TAF1A: variants seen among roughly 807,000 people sequenced by gnomAD.
The protein encoded by TAF1A is TATA-box binding protein associated factor, RNA polymerase I subunit A.
In TAF1A, 42 loss-of-function variants were observed where a neutral mutation model predicts 61.6. That is an observed-to-expected ratio of 0.68 (90% CI 0.53 to 0.88). The LOEUF (loss-of-function observed/expected upper bound fraction) is 0.88. TAF1A is among the 40% of genes least tolerant of loss of function. TAF1A has a pLI of 0.00. For missense variants in TAF1A, 424 were observed against 518.7 expected, an observed-to-expected ratio of 0.82 and a Z score of 1.77; for synonymous variants, 179 against 177.7, an observed-to-expected ratio of 1.01 and a Z score of -0.06.
intron 9 of TAF1A, 66 bp from the exon 10 acceptor site, chr1:222,561,584 G>A: frequency 1.4e-6 from 2 of 1,429,214 alleles, no homozygotes; most frequent in Non-Finnish European, 1.9e-6. Context: ...TCAGAATTTA[G>A]ACTTAACTAG....
chr1:222,564,707 C>CA (rs1660052448), intron 7 of TAF1A, among the ~76,000 whole-genome samples: 2 of 151,858 alleles, frequency 1.3e-5, no homozygotes, highest in Non-Finnish European at 2.9e-5. Flanking sequence ...TATGAATATT[C>CA]AAAAAATGGA....
chr1:222,583,980 G>A lies in TAF1A; in HGVS notation c.291+148C>T, dbSNP rs1005158318. ...GAGGTAAAAAGAAGTGTGCAAAAAA[G>A]GTCCCAATACAAACTCTCCACTCAA... On this transcript the variant is annotated intron_variant, in intron 3 of 10. Coordinates refer to ENST00000352967, the MANE Select transcript of TAF1A (RefSeq NM_005681.4). 5.5e-5 allele frequency: 40 copies of A among 733,206 alleles called. No homozygotes were observed. The African/African-American group carries it at 6.5e-4, about 12-fold the overall frequency. 45.4% of individuals were successfully genotyped at this position (733,206 alleles called of 1,614,324 possible). A position where few individuals can be genotyped will look rare whatever the true frequency, so the allele number is the denominator to read the frequency against.
At chr1:222,584,358 A>T (rs1478708129) in intron 2 of TAF1A, 61 bp from the exon 3 acceptor site, 3 of 1,486,860 alleles carry the variant, frequency 2.0e-6, no homozygotes, top group African/African-American at 2.8e-5. Context: ...CTATTCAAAA[A>T]ACTTACTTCT....
chr1:222,560,819 T>C lies in TAF1A; in HGVS notation c.1240+545A>G, dbSNP rs547263515. 7.9e-5 allele frequency among the ~76,000 whole-genome samples: 12 copies of C among 152,294 alleles called. No homozygotes were observed. In the South Asian group the frequency reaches 1.9e-3, roughly 24 times the overall value. ...CGGTACTGGCCACCTTTTAATAATT[T>C]CAGTGGCAGAAAGCAGGTAAGAATT... On this transcript the variant is annotated intron_variant, in intron 10 of 10. Coordinates refer to ENST00000352967, the MANE Select transcript of TAF1A (RefSeq NM_005681.4).
At chr1:222,577,348 T>C (rs1291793732) in intron 5 of TAF1A, 97 bp downstream of exon 5, 1 of 932,834 alleles carries the variant, frequency 1.1e-6, no homozygotes. Flanking sequence ...CTCCATAATA[T>C]CTGGATGAAG....
intron 7 of TAF1A, 99 bp from the exon 8 acceptor site, chr1:222,564,224 TC>T: frequency 1.6e-6 from 1 of 615,056 alleles, no homozygotes; most frequent in Non-Finnish European, 2.7e-6. Context: ...TCTAATATGC[TC>T]CCTTTAAATT....
chr1:222,587,801 C>A (rs1336552964), intron 2 of TAF1A, among the ~76,000 whole-genome samples: 1 of 152,074 alleles, frequency 6.6e-6, no homozygotes, highest in East Asian at 1.9e-4. Context: ...CCTGTAATCC[C>A]ACCACTTTGG....
chr1:222,577,352 G>C (rs1660611207), intron 5 of TAF1A, 93 bp downstream of exon 5: 1 of 978,240 alleles, frequency 1.0e-6, no homozygotes, highest in East Asian at 2.5e-5. Flanking sequence ...ATAATATCTG[G>C]ATGAAGTCAA....
intron 5 of TAF1A, among the ~76,000 whole-genome samples, chr1:222,574,693 A>C (rs1660496952): frequency 6.6e-6 from 1 of 152,248 alleles, no homozygotes; most frequent in Non-Finnish European, 1.5e-5. Context: ...TATTATCTTA[A>C]AACTGATTTT....
At chr1:222,585,598 C>T (rs932425530) in intron 2 of TAF1A, among the ~76,000 whole-genome samples, 5 of 152,110 alleles carry the variant, frequency 3.3e-5, no homozygotes, top group Non-Finnish European at 5.9e-5. Flanking sequence ...GAGCATGAGC[C>T]ACCACACCTG....
chr1:222,570,527 CTACT>C lies in TAF1A; in HGVS notation c.735+4_735+7del. On this transcript the variant is annotated splice_donor_5th_base_variant and intron_variant, in intron 6 of 10. Transcript: ENST00000352967. ...AAAACCAATAAATTTAATGAAAATT[CTACT>C]TACTTCTACATAACTCTTCACAAAA... 6.3e-7 allele frequency: 1 copy of C among 1,594,734 alleles called. No individual in the cohort carries two copies. The highest frequency in any genetic ancestry group is 1.1e-5 in the South Asian group (1 of 88,574).
downstream of TAF1A, among the ~76,000 whole-genome samples, chr1:222,557,448 G>A (rs1659744443): frequency 6.6e-6 from 1 of 152,034 alleles, no homozygotes; most frequent in Admixed American, 6.6e-5. Flanking sequence ...AAGGAGAGGG[G>A]ATGCGTGAGT....
intron 5 of TAF1A, among the ~76,000 whole-genome samples, chr1:222,572,653 C>T (rs1054083631): frequency 6.6e-6 from 1 of 152,300 alleles, no homozygotes; most frequent in Non-Finnish European, 1.5e-5. Flanking sequence ...GCCACTGCTC[C>T]CGGCTGCTAA....
intron 7 of TAF1A, among the ~76,000 whole-genome samples, chr1:222,566,572 C>G (rs1408050520): frequency 6.6e-6 from 1 of 152,300 alleles, no homozygotes; most frequent in East Asian, 1.9e-4. Flanking sequence ...ATTAAATTCT[C>G]ATAAGGAGCA....
At chr1:222,555,895 G>A (rs767001667), downstream of TAF1A, among the ~76,000 whole-genome samples, 8 of 152,054 alleles carry the variant, frequency 5.3e-5, no homozygotes, top group East Asian at 1.9e-4. Flanking sequence ...TATTGCTAAC[G>A]TGTCTTAAAA....
At chr1:222,570,046 A>C (rs1427113523) in intron 6 of TAF1A, among the ~76,000 whole-genome samples, 1 of 152,204 alleles carries the variant, frequency 6.6e-6, no homozygotes, top group Admixed American at 6.5e-5. Context: ...CAACACAATT[A>C]TCAACTTGCC....
rs759223232 is a variant in TAF1A, at chr1:222,577,432, T to A, written c.604+13A>T. On this transcript the variant is annotated intron_variant, in intron 5 of 10. Transcript: ENST00000352967. ...GTCTCATCATAAGAAAAAGTTTACCTGTATTCACTTACCAAGCTTTGACAA... is the reference window on the plus strand; with the variant it reads ...GTCTCATCATAAGAAAAAGTTTACCAGTATTCACTTACCAAGCTTTGACAA... 13 of 1,611,852 alleles carry A rather than the reference T, an allele frequency of 8.1e-6. No homozygotes were observed. The highest frequency in any genetic ancestry group is 9.3e-6 in the Non-Finnish European group (11 of 1,178,292).
At chr1:222,557,880 G>GTTTTTTTTTTTTTTTTT (rs1226541871), downstream of TAF1A, 1 of 115,636 alleles carries the variant, frequency 8.6e-6, no homozygotes, top group African/African-American at 3.5e-5. Flanking sequence ...GAGTCTTTTT[G>GTTTTTTTTTTTTTTTTT]TTTTTTTTTT....
Position 222,577,549 on chromosome 1 carries a change from T to C in TAF1A, c.500A>G (p.Glu167Gly), listed in dbSNP as rs1660622669. 1 of 1,613,900 alleles carries C rather than the reference T, an allele frequency of 6.2e-7. No individual in the cohort carries two copies. The highest frequency in any genetic ancestry group is 1.3e-5 in the African/African-American group (1 of 74,928). ...LSEAETWRHG[E>G]NTSSREILIN... ...TAATATTTCCCGGGAAGACGTATTTTCACCATGTCTCCATGTCTCTGCCTC... is the reference window on the plus strand; with the variant it reads ...TAATATTTCCCGGGAAGACGTATTTCCACCATGTCTCCATGTCTCTGCCTC... Residue 167 changes from glutamate (E) to glycine (G), a missense_variant, in exon 5 of 11, where the codon GAA (glutamate) becomes GGA (glycine). Transcript: ENST00000352967.
Sources: gnomAD v4.1 joint callset for allele counts (sites outside exome capture counted in the v4.1 genomes callset) on GRCh38, gnomAD v4.1.1 for gene constraint, MANE v1.5 for transcripts, NCBI Gene and HGNC (gene_info 2026-07-23, HGNC 2026-07-21) for gene names.